Variants in GALNTL6 observed in about 807,000 individuals in gnomAD.
GALNTL6 encodes polypeptide N-acetylgalactosaminyltransferase-like 6.
In GALNTL6, 46 loss-of-function variants were observed where a neutral mutation model predicts 73.7. The ratio of observed to expected loss-of-function variants is 0.62; its 90% CI spans 0.49 to 0.80. GALNTL6 has a LOEUF of 0.80. Among genes scored for constraint, GALNTL6 ranks in the 30% least tolerant of loss-of-function variants. GALNTL6 has a pLI of 0.00. For synonymous variants in GALNTL6, 259 were observed against 263.7 expected, an observed-to-expected ratio of 0.98 and a Z score of 0.17; for missense variants, 604 against 755.0, an observed-to-expected ratio of 0.80 and a Z score of 2.34.
chr4:172,089,009 A>G lies in GALNTL6; in HGVS notation c.139-140647A>G, dbSNP rs1052610954. 3.9e-5 allele frequency among the ~76,000 whole-genome samples: 6 copies of G among 152,342 alleles called. 1 individual carries two copies. The Middle Eastern group carries it at 0.01, about 259-fold the overall frequency. On this transcript the variant is annotated intron_variant, in intron 2 of 12. Transcript: ENST00000506823. Reference sequence around the variant, plus strand: ...CAAGTGGCGTGAGACCTGCAAAAGAAGAAAAGAACATAGATTACACTGAGA... The same window carrying G: ...CAAGTGGCGTGAGACCTGCAAAAGAGGAAAAGAACATAGATTACACTGAGA...
At chr4:172,188,197 T>A (rs189838759) in intron 2 of GALNTL6, among the ~76,000 whole-genome samples, 11 of 152,348 alleles carry the variant, frequency 7.2e-5, no homozygotes, top group African/African-American at 2.4e-4. Flanking sequence ...CCATAACGCA[T>A]ACAAATTCTA....
intron 5 of GALNTL6, among the ~76,000 whole-genome samples, chr4:172,496,187 A>T (rs1188277071): frequency 6.6e-6 from 1 of 152,000 alleles, no homozygotes; most frequent in Non-Finnish European, 1.5e-5. Context: ...AATATTCTGT[A>T]CTCCCAATTC....
intron 5 of GALNTL6, among the ~76,000 whole-genome samples, chr4:172,792,646 C>T (rs1318765340): frequency 3.4e-5 from 5 of 147,764 alleles, no homozygotes; most frequent in South Asian, 2.1e-4. Context: ...TCTGGATTCA[C>T]GATTCACATG....
intron 5 of GALNTL6, among the ~76,000 whole-genome samples, chr4:172,523,078 CTT>C (rs1022447282): frequency 6.6e-6 from 1 of 152,130 alleles, no homozygotes; most frequent in Non-Finnish European, 1.5e-5. Context: ...CATTTTGTCT[CTT>C]TGTTGGATTT....
intron 7 of GALNTL6, among the ~76,000 whole-genome samples, chr4:172,860,293 A>G (rs1744331730): frequency 6.6e-6 from 1 of 152,212 alleles, no homozygotes; most frequent in Non-Finnish European, 1.5e-5. Context: ...GGAATATAGA[A>G]TTCATATTTT....
chr4:172,924,888 T>C lies in GALNTL6; in HGVS notation c.1042-6273T>C, dbSNP rs145858870. 1.9e-4 allele frequency among the ~76,000 whole-genome samples: 29 copies of C among 152,304 alleles called. No homozygotes were observed. In the East Asian group the frequency reaches 5.6e-3, roughly 29 times the overall value. ...TTTTTACTGTTTTGTTTTTTGTTTT[T>C]TCGAGACAGAGTTTGGCTCTGTCGC... On this transcript the variant is annotated intron_variant, in intron 8 of 12. Coordinates refer to ENST00000506823, the MANE Select transcript of GALNTL6 (RefSeq NM_001034845.3).
At chr4:172,415,977 T>C (rs1350744448) in intron 5 of GALNTL6, among the ~76,000 whole-genome samples, 1 of 152,168 alleles carries the variant, frequency 6.6e-6, no homozygotes, top group Non-Finnish European at 1.5e-5. Flanking sequence ...TTCATTTCTG[T>C]CTTTTCTTTA....
intron 10 of GALNTL6, among the ~76,000 whole-genome samples, chr4:172,963,768 T>C (rs1388451590): frequency 1.3e-5 from 2 of 152,214 alleles, no homozygotes; most frequent in African/African-American, 4.8e-5. Flanking sequence ...GGTAACTGAT[T>C]CTCATGAACA....
At chr4:171,995,830 A>G (rs2110747362) in intron 2 of GALNTL6, among the ~76,000 whole-genome samples, 1 of 152,208 alleles carries the variant, frequency 6.6e-6, no homozygotes, top group Non-Finnish European at 1.5e-5. Flanking sequence ...TAGGATAACA[A>G]CTTAGAAAAG....
At chr4:172,125,586 A>C (rs1309588117) in intron 2 of GALNTL6, among the ~76,000 whole-genome samples, 1 of 152,088 alleles carries the variant, frequency 6.6e-6, no homozygotes, top group Non-Finnish European at 1.5e-5. Flanking sequence ...TTCCATCATA[A>C]ATTCATCTTT....
chr4:172,768,215 T>C (rs188926609), intron 5 of GALNTL6, among the ~76,000 whole-genome samples: 3 of 152,298 alleles, frequency 2.0e-5, no homozygotes, highest in Admixed American at 6.5e-5. Context: ...TGGAGGTATA[T>C]AAACATGAAA....
At chr4:172,787,033 C>T (rs1172800158) in intron 5 of GALNTL6, among the ~76,000 whole-genome samples, 1 of 152,136 alleles carries the variant, frequency 6.6e-6, no homozygotes, top group African/African-American at 2.4e-5. Flanking sequence ...TTCTAGGCTG[C>T]AGTAAGGCTG....
rs72998376 is a variant in GALNTL6, at chr4:172,224,856, T to C, written c.139-4800T>C. On this transcript the variant is annotated intron_variant, in intron 2 of 12. Transcript: ENST00000506823. ...ATGTTTTATCCTTGGAAATAGTTTCTTATGACCCATCTGAAAGGATGTTAG... is the reference window on the plus strand; with the variant it reads ...ATGTTTTATCCTTGGAAATAGTTTCCTATGACCCATCTGAAAGGATGTTAG... Among the ~76,000 whole-genome samples, 778 of 152,282 alleles carry C rather than the reference T, an allele frequency of 5.1e-3. 5 individuals carry two copies. Among genetic ancestry groups the C allele is most frequent in the African/African-American group, 0.018 (737 of 41,560 alleles).
At chr4:172,855,073 C>T (rs1744051873) in intron 7 of GALNTL6, among the ~76,000 whole-genome samples, 1 of 151,320 alleles carries the variant, frequency 6.6e-6, no homozygotes, top group South Asian at 2.1e-4. Context: ...TAAAATAATC[C>T]ATCATCTAAG....
intron 2 of GALNTL6, among the ~76,000 whole-genome samples, chr4:172,141,867 A>G (rs1181994999): frequency 7.2e-6 from 1 of 139,582 alleles, no homozygotes; most frequent in Non-Finnish European, 1.5e-5. Context: ...AGGACTAATG[A>G]CAAGAACACA....
At chr4:172,240,373 A>G (rs1425572271) in intron 3 of GALNTL6, among the ~76,000 whole-genome samples, 1 of 148,604 alleles carries the variant, frequency 6.7e-6, no homozygotes, top group Non-Finnish European at 1.5e-5. Flanking sequence ...ACAGGCACTC[A>G]CCATCATGCC....
At chr4:172,552,216 T>G (rs140905080) in intron 5 of GALNTL6, among the ~76,000 whole-genome samples, 298 of 152,228 alleles carry the variant, frequency 2.0e-3, no homozygotes, top group African/African-American at 6.7e-3. Flanking sequence ...TTAATGAAAT[T>G]GGCCACCAAC....
At chr4:172,370,193 C>T (rs1003021776) in intron 5 of GALNTL6, among the ~76,000 whole-genome samples, 43 of 152,240 alleles carry the variant, frequency 2.8e-4, no homozygotes, top group African/African-American at 9.1e-4. Context: ...TCCTGAGGTC[C>T]TCAATAGAAG....
At chr4:172,013,218 A>G (rs1387568675) in intron 2 of GALNTL6, among the ~76,000 whole-genome samples, 1 of 152,024 alleles carries the variant, frequency 6.6e-6, no homozygotes, top group African/African-American at 2.4e-5. Context: ...TTAAATATAT[A>G]CAATAAATTG....
Sources: allele counts gnomAD v4.1 joint callset (sites outside exome capture counted in the v4.1 genomes callset), GRCh38; gene constraint gnomAD v4.1.1; transcripts MANE v1.5; gene names NCBI Gene and HGNC (gene_info 2026-07-23, HGNC 2026-07-21).